Variants in ZNF92 observed in about 807,000 individuals in gnomAD.
The protein encoded by ZNF92 is epididymis luminal protein 203.
A neutral mutation model predicts 12.4 loss-of-function variants in ZNF92; 11 were observed. The ratio of observed to expected loss-of-function variants is 0.89; its 90% confidence interval spans 0.56 to 1.47. The LOEUF is 1.47. ZNF92 is among the 40% of genes most tolerant of loss of function. The pLI is 0.00. For synonymous variants in ZNF92, 206 were observed against 228.6 expected (o/e 0.90, Z 0.89); for missense variants, 622 against 681.0 (o/e 0.91, Z 0.96).
chr7:65,392,418 C>A (rs1213966264), intron 3 of ZNF92, among the ~76,000 whole-genome samples: 1 of 150,066 alleles, frequency 6.7e-6, no homozygotes, highest in Non-Finnish European at 1.5e-5. Flanking sequence ...AAACACATAA[C>A]CTAAAATTTA....
At chr7:65,379,639 C>T (rs1391595862) in intron 1 of ZNF92, among the ~76,000 whole-genome samples, 2 of 152,124 alleles carry the variant, frequency 1.3e-5, no homozygotes, top group African/African-American at 4.8e-5. Context: ...CATTTTTGAA[C>T]CTGTTTCTTG....
At chr7:65,385,175 C>A (rs75917543) in intron 1 of ZNF92, among the ~76,000 whole-genome samples, 2 of 152,074 alleles carry the variant, frequency 1.3e-5, no homozygotes, top group Non-Finnish European at 2.9e-5. Flanking sequence ...GTTTAAAATA[C>A]CCTTTCATGG....
chr7:65,388,025 C>T lies in ZNF92; in HGVS notation c.127C>T (p.Leu43Phe). 6.2e-7 allele frequency: 1 copy of T among 1,603,848 alleles called. No homozygotes were observed. Among genetic ancestry groups the T allele is most frequent in the Non-Finnish European group, 8.5e-7 (1 of 1,175,210 alleles). ...AGAGAACTACAGAAACCTGGTCTTC[C>T]TTGGTGAGGATAACTTCAATACACA... ...MLENYRNLVF[L>F]GIAVSKPDLI... The change falls in exon 2 of 4, where the codon CTT (leucine) becomes TTT (phenylalanine). Residue 43 changes from leucine to phenylalanine, a missense_variant. Leu to Phe is a conservative substitution (Grantham distance 22, BLOSUM62 0). Transcript: ENST00000328747.
rs571838608 is a variant in ZNF92, at chr7:65,375,559, A to G, written c.3+1559A>G. The stretch of plus-strand genomic sequence containing the variant: ...TGCTGGTACTGGGAGGAAAACACCA[A>G]AATTATTTCTGTCCCCAGGATTCTC... On this transcript the variant is annotated intron_variant, in intron 1 of 3. Transcript: ENST00000328747. 4.4e-4 allele frequency among the ~76,000 whole-genome samples: 67 copies of G among 152,142 alleles called. 1 individual carries two copies. Among genetic ancestry groups the G allele is most frequent in the African/African-American group, 1.5e-3 (63 of 41,500 alleles).
At chr7:65,378,613 G>T (rs1335938820) in intron 1 of ZNF92, among the ~76,000 whole-genome samples, 1 of 151,926 alleles carries the variant, frequency 6.6e-6, no homozygotes, top group Non-Finnish European at 1.5e-5. Context: ...GTGGTGGCGG[G>T]CGCCTGTAGT....
chr7:65,375,003 G>C (rs6961439), intron 1 of ZNF92, among the ~76,000 whole-genome samples: 150,196 of 152,258 alleles, frequency 0.99, 74,112 homozygotes, highest in East Asian at 1. Flanking sequence ...ATTTTCGATG[G>C]CATATTTTAA....
intron 1 of ZNF92, among the ~76,000 whole-genome samples, chr7:65,377,672 T>G (rs1235476025): frequency 6.6e-6 from 1 of 151,890 alleles, no homozygotes; most frequent in Non-Finnish European, 1.5e-5. Context: ...GTTCAAGTGA[T>G]TCTCCTGCCT....
rs1483199877 is a variant in ZNF92 at position 65,400,267 on chromosome 7, G to A, written c.*392G>A. ...CATTACAAATAGAAAGAGGGTTGTA[G>A]TACCTTTAGTTTTATGATAGATCTT... On this transcript the variant is annotated 3_prime_UTR_variant, in exon 4 of 4. Transcript: ENST00000328747. The A allele has an allele frequency of 6.3e-6, 1 of 159,050 alleles. No homozygotes were observed. Among genetic ancestry groups the A allele is most frequent in the Non-Finnish European group, 1.4e-5 (1 of 72,120 alleles). 9.9% of individuals were successfully genotyped at this position (159,050 alleles called of 1,614,324 possible). A position where few individuals can be genotyped will look rare whatever the true frequency, so the allele number is the denominator to read the frequency against.
intron 3 of ZNF92, among the ~76,000 whole-genome samples, chr7:65,390,055 G>A (rs1793670681): frequency 6.6e-6 from 1 of 151,984 alleles, no homozygotes; most frequent in Non-Finnish European, 1.5e-5. Flanking sequence ...ATGGAGAAAT[G>A]TATTATTTTA....
intron 3 of ZNF92, among the ~76,000 whole-genome samples, chr7:65,389,941 C>T (rs900519892): frequency 1.1e-4 from 17 of 151,998 alleles, no homozygotes; most frequent in African/African-American, 3.6e-4. Flanking sequence ...ACACCATTCT[C>T]CTGCCTCAGC....
chr7:65,389,750 T>C (rs7794911), intron 3 of ZNF92, among the ~76,000 whole-genome samples: 41,931 of 150,718 alleles, frequency 0.28, 7,561 homozygotes, highest in African/African-American at 0.49. Flanking sequence ...CTCTTGACCT[T>C]GTGATCCGCC....
chr7:65,391,027 G>A (rs1195718578), intron 3 of ZNF92, among the ~76,000 whole-genome samples: 1 of 151,830 alleles, frequency 6.6e-6, no homozygotes, highest in African/African-American at 2.4e-5. Flanking sequence ...TTAGTTTGCC[G>A]CCTGAATGAG....
chr7:65,379,500 G>A (rs1453381989), intron 1 of ZNF92, among the ~76,000 whole-genome samples: 1 of 152,006 alleles, frequency 6.6e-6, no homozygotes, highest in African/African-American at 2.4e-5. Context: ...AAGAAGCTCT[G>A]ATAACAGACA....
chr7:65,398,607 A>G lies in ZNF92; in HGVS notation c.493A>G (p.Ile165Val), dbSNP rs1793909384. Reference sequence around the variant, plus strand: ...ATTTCCAAATGTAAATAGAAATAAGATAAGACATACTGGAAAGAAACCTTT... The same window carrying G: ...ATTTCCAAATGTAAATAGAAATAAGGTAAGACATACTGGAAAGAAACCTTT... Reference protein sequence around the residue: ...HKFPNVNRNKIRHTGKKPFKC... With the variant: ...HKFPNVNRNKVRHTGKKPFKC... The change falls in exon 4 of 4, where the codon ATA becomes GTA. Residue 165 changes from isoleucine (I) to valine (V), a missense_variant. Coordinates refer to ENST00000328747, the MANE Select transcript of ZNF92 (RefSeq NM_152626.4). 1 of 1,611,344 alleles carries G rather than the reference A, an allele frequency of 6.2e-7. No homozygotes were observed. Among genetic ancestry groups the G allele is most frequent in the Non-Finnish European group, 8.5e-7 (1 of 1,179,238 alleles).
intron 1 of ZNF92, among the ~76,000 whole-genome samples, chr7:65,374,578 C>T (rs1430561551): frequency 6.6e-6 from 1 of 151,818 alleles, no homozygotes; most frequent in Non-Finnish European, 1.5e-5. Flanking sequence ...GGTACAGTTA[C>T]GTCGTTTTTT....
intron 3 of ZNF92, among the ~76,000 whole-genome samples, chr7:65,392,955 G>A (rs1793755316): frequency 1.3e-5 from 2 of 152,088 alleles, no homozygotes; most frequent in African/African-American, 4.8e-5. Flanking sequence ...TTGGGAGATT[G>A]AGGGGAGAGG....
rs1793954820 is a variant in ZNF92, at chr7:65,399,562, G to A, written c.1448G>A (p.Cys483Tyr). The A allele has an allele frequency of 1.2e-6, 2 of 1,613,686 alleles. No individual in the cohort carries two copies. The highest frequency in any genetic ancestry group is 1.7e-6 in the Non-Finnish European group (2 of 1,179,796). Residue 483 changes from cysteine to tyrosine, a missense_variant, in exon 4 of 4, where the codon TGT (cysteine) becomes TAT (tyrosine). Coordinates refer to ENST00000328747, the MANE Select transcript of ZNF92 (RefSeq NM_152626.4). The stretch of plus-strand genomic sequence containing the variant: ...CATACTAGAGAAAAACCCTACAAAT[G>A]TGAAGAATGTGGCAAAGCCTTTAAC... ...IIHTREKPYK[C>Y]EECGKAFNQS...
At position 65,398,670 on chromosome 7, in the gene ZNF92, T is replaced by G; in HGVS notation, c.556T>G (p.Ser186Ala). ...CCGTGGCAAATCATTTTGCATGCTT[T>G]CACAATTAACTCAACATAAGAAAAT... ...KNRGKSFCMLSQLTQHKKIHT... is the reference protein window; with the variant it reads ...KNRGKSFCMLAQLTQHKKIHT... The change falls in exon 4 of 4, where the codon TCA becomes GCA. Residue 186 changes from serine to alanine, a missense_variant. Ser to Ala is a moderately conservative substitution (Grantham distance 99). Transcript: ENST00000328747. 1 of 1,612,120 alleles carries G rather than the reference T, an allele frequency of 6.2e-7. No individual in the cohort carries two copies.
In ZNF92 at chr7:65,398,845, T is replaced by C; in HGVS notation, c.731T>C (p.Leu244Pro). The C allele has an allele frequency of 6.2e-7, 1 of 1,612,854 alleles. No individual in the cohort carries two copies. Among genetic ancestry groups the C allele is most frequent in the South Asian group, 1.1e-5 (1 of 90,994 alleles). Residue 244 changes from leucine to proline, a missense_variant, in exon 4 of 4, where the codon CTT becomes CCT. Coordinates refer to ENST00000328747, the MANE Select transcript of ZNF92 (RefSeq NM_152626.4). Reference protein sequence around the residue: ...CGKAFNRSSNLTKHKIIHTGE... With the variant: ...CGKAFNRSSNPTKHKIIHTGE... ...AAAGCTTTTAACCGGTCCTCAAATC[T>C]TACTAAACATAAAATAATTCATACT... is the stretch of plus-strand genomic sequence containing the variant.
Sources: gnomAD v4.1 joint callset for allele counts (sites outside exome capture counted in the v4.1 genomes callset) on GRCh38, gnomAD v4.1.1 for gene constraint, MANE v1.5 for transcripts, NCBI Gene and HGNC (gene_info 2026-07-23, HGNC 2026-07-21) for gene names.